Variants in CALN1 observed in about 807,000 individuals in gnomAD.
The protein encoded by CALN1 is calneuron 1.
CALN1 carries 17 observed loss-of-function variants against 30.6 expected under a neutral mutation model. The ratio of observed to expected loss-of-function variants is 0.56; its 90% confidence interval spans 0.38 to 0.83. CALN1 has a LOEUF of 0.83. Ranked by LOEUF, CALN1 falls within the 40% of genes least tolerant of loss-of-function variation. CALN1 has a pLI of 0.00. For synonymous variants in CALN1, 156 were observed against 131.4 expected (o/e 1.19, Z -1.28); for missense variants, 291 against 354.9 (o/e 0.82, Z 1.45).
intron 5 of CALN1, among the ~76,000 whole-genome samples, chr7:71,827,402 G>C (rs1393713875): frequency 6.6e-6 from 1 of 152,170 alleles, no homozygotes; most frequent in Non-Finnish European, 1.5e-5. Flanking sequence ...AGGAAGCAAA[G>C]GCTACATGAT....
chr7:71,883,565 G>C (rs1446405642), intron 5 of CALN1, among the ~76,000 whole-genome samples: 1 of 152,160 alleles, frequency 6.6e-6, no homozygotes, highest in Non-Finnish European at 1.5e-5. Context: ...AAGTGTGGAG[G>C]AGAAGGGCAA....
rs146548548 is a variant in CALN1, at chr7:72,166,158, C to G, written c.245-59864G>C. Among the ~76,000 whole-genome samples the G allele has an allele frequency of 7.7e-3, 1,170 of 152,232 alleles. 20 individuals are homozygous for G. The highest frequency in any genetic ancestry group is 0.026 in the African/African-American group (1,096 of 41,518). ...AGCTTATATTTTCAAACAAAGGTGT[C>G]TCAGGAGGTGAAGGTGTTTTGCCCT... On this transcript the variant is annotated intron_variant, in intron 3 of 6. Coordinates refer to ENST00000395275, the MANE Select transcript of CALN1 (RefSeq NM_031468.4).
chr7:72,052,327 C>A (rs888430087), intron 4 of CALN1, among the ~76,000 whole-genome samples: 7 of 152,118 alleles, frequency 4.6e-5, no homozygotes, highest in African/African-American at 1.4e-4. Flanking sequence ...GGAGTGGACA[C>A]CGGCCAGGGA....
chr7:72,068,885 C>T (rs1378815141), intron 4 of CALN1, among the ~76,000 whole-genome samples: 1 of 152,126 alleles, frequency 6.6e-6, no homozygotes, highest in African/African-American at 2.4e-5. Context: ...AATGGTTAAA[C>T]CATCACATAG....
At chr7:71,811,859 A>G (rs1787981308) in intron 5 of CALN1, among the ~76,000 whole-genome samples, 2 of 151,470 alleles carry the variant, frequency 1.3e-5, no homozygotes, top group African/African-American at 4.9e-5. Context: ...TTGTATTTTT[A>G]GTAGAGACGG....
At chr7:71,808,902 C>T (rs571398844) in intron 6 of CALN1, among the ~76,000 whole-genome samples, 63 of 152,192 alleles carry the variant, frequency 4.1e-4, no homozygotes, top group African/African-American at 1.4e-3. Flanking sequence ...TCAATCCCTT[C>T]GCTCCTCACC....
intron 5 of CALN1, among the ~76,000 whole-genome samples, chr7:71,927,904 C>G (rs1232696727): frequency 1.3e-5 from 2 of 152,170 alleles, no homozygotes; most frequent in Non-Finnish European, 2.9e-5. Flanking sequence ...GGTAGGAGAT[C>G]TTTAATGGCC....
chr7:72,336,772 C>G, intron 2 of CALN1: 1 of 985,190 alleles, frequency 1.0e-6, no homozygotes, highest in Non-Finnish European at 1.2e-6. Flanking sequence ...GGGCTTCCTC[C>G]GAGGCCCGCA....
At chr7:72,420,552 C>T (rs1016379210) in intron 1 of CALN1, among the ~76,000 whole-genome samples, 1 of 151,738 alleles carries the variant, frequency 6.6e-6, no homozygotes, top group Non-Finnish European at 1.5e-5. Flanking sequence ...TAAAAAATTC[C>T]CCCAAAGGCA....
chr7:72,360,037 CATAAAAAGAAGCTAAGAAATTCT>C (rs1182607768), intron 2 of CALN1, among the ~76,000 whole-genome samples: 1 of 140,024 alleles, frequency 7.1e-6, no homozygotes, highest in Non-Finnish European at 1.5e-5. Flanking sequence ...TCCCAAAATA[CATAAAAAGAAGCTAAGAAATTCT>C]TACAGCTTAA....
At chr7:71,830,819 T>A (rs998122613) in intron 5 of CALN1, among the ~76,000 whole-genome samples, 5 of 152,226 alleles carry the variant, frequency 3.3e-5, no homozygotes, top group African/African-American at 7.2e-5. Context: ...GTGGTTGTTA[T>A]GTGGATAGAA....
chr7:72,075,833 C>G (rs1484513451), intron 4 of CALN1, among the ~76,000 whole-genome samples: 3 of 152,254 alleles, frequency 2.0e-5, no homozygotes, highest in East Asian at 3.9e-4. Context: ...ATAGAGACAT[C>G]TGGGTGTCAG....
intron 5 of CALN1, among the ~76,000 whole-genome samples, chr7:71,867,363 T>C (rs184221064): frequency 1.6e-4 from 25 of 152,178 alleles, no homozygotes; most frequent in Admixed American, 1.5e-3. Flanking sequence ...CCACCAGAAT[T>C]TGACCACATG....
intron 3 of CALN1, among the ~76,000 whole-genome samples, chr7:72,278,472 T>TAC (rs59010102): frequency 0.096 from 13,849 of 143,958 alleles, 722 homozygotes; most frequent in Non-Finnish European, 0.12. Context: ...ATCAGGTCTG[T>TAC]ACACACACAC....
intron 2 of CALN1, among the ~76,000 whole-genome samples, chr7:72,351,768 G>A (rs536597390): frequency 1.3e-5 from 2 of 152,042 alleles, no homozygotes; most frequent in African/African-American, 2.4e-5. Context: ...AGGGAAAAAC[G>A]AACAAAGAAC....
At chr7:72,453,706 C>T in the CALN1 span, among the ~76,000 whole-genome samples, 2 of 152,098 alleles carry the variant, frequency 1.3e-5, no homozygotes, top group Admixed American at 1.3e-4. Context: ...TTTTCCTGAC[C>T]GGACAAGAAT....
chr7:71,807,346 C>A (rs1370570784), intron 6 of CALN1, among the ~76,000 whole-genome samples: 6 of 152,164 alleles, frequency 3.9e-5, no homozygotes. Flanking sequence ...TTCCTAGACA[C>A]CTCTGCCCAA....
intron 4 of CALN1, among the ~76,000 whole-genome samples, chr7:72,037,473 G>A (rs991704878): frequency 6.6e-6 from 1 of 152,012 alleles, no homozygotes; most frequent in Non-Finnish European, 1.5e-5. Context: ...TTTGATAGTC[G>A]AACCATATCA....
intron 3 of CALN1, among the ~76,000 whole-genome samples, chr7:72,270,038 C>A (rs1361211046): frequency 6.6e-6 from 1 of 151,544 alleles, no homozygotes; most frequent in African/African-American, 2.4e-5. Context: ...GAAATGGGAA[C>A]TATAAAAAAG....
Sources: allele counts gnomAD v4.1 joint callset (sites outside exome capture counted in the v4.1 genomes callset), GRCh38; gene constraint gnomAD v4.1.1; transcripts MANE v1.5; gene names NCBI Gene and HGNC (gene_info 2026-07-23, HGNC 2026-07-21).